The following TBC1D8 variants were observed in gnomAD, a reference collection of about 807,000 sequenced individuals.
TBC1D8 encodes the protein TBC1 domain family member 8.
Under a neutral mutation model 118.8 loss-of-function variants are expected in TBC1D8, and 65 were observed. That is an observed-to-expected ratio of 0.55 (90% CI 0.45 to 0.67). The LOEUF is 0.67. Among genes scored for constraint, TBC1D8 ranks in the 30% least tolerant of loss-of-function variants. The probability of loss-of-function intolerance (pLI) is 0.00; values close to 1 mark genes in which losing one functional copy is unlikely to be tolerated. For synonymous variants in TBC1D8, 566 were observed against 595.8 expected (o/e 0.95, Z 0.73); for missense variants, 1,376 against 1,471.2 (o/e 0.94, Z 1.06).
Position 101,151,322 on chromosome 2 carries a change from G to A in TBC1D8, c.-69C>T, listed in dbSNP as rs1216990365. The A allele has an allele frequency of 1.1e-5, 12 of 1,093,406 alleles. No individual in the cohort carries two copies. The highest frequency in any genetic ancestry group is 1.7e-5 in the African/African-American group (1 of 58,902). 67.7% of individuals were successfully genotyped at this position (1,093,406 alleles called of 1,614,324 possible). On this transcript the variant is annotated 5_prime_UTR_variant, in exon 1 of 20. Coordinates refer to ENST00000409318, the MANE Select transcript of TBC1D8 (RefSeq NM_001330348.2). ...CCGGCCGCCGGTCGCTGTGAGCCGA[G>A]CCCGCTCGAGAGGCGACGGCGGCGC...
intron 2 of TBC1D8, among the ~76,000 whole-genome samples, chr2:101,086,542 A>T (rs1026524830): frequency 6.6e-6 from 1 of 151,990 alleles, no homozygotes; most frequent in African/African-American, 2.4e-5. Flanking sequence ...AGTTGTGTGC[A>T]CAAAAAAAAC....
intron 5 of TBC1D8, among the ~76,000 whole-genome samples, chr2:101,046,845 C>T (rs1036990510): frequency 2.0e-5 from 3 of 152,120 alleles, no homozygotes; most frequent in Non-Finnish European, 2.9e-5. Flanking sequence ...GAGCCTGCCT[C>T]GTGGGAAACA....
chr2:101,133,124 C>G lies in TBC1D8; in HGVS notation c.127+18003G>C, dbSNP rs534104975. ...GCAGTGAGCTGAGATCGAGCCACTGCACTCCAGCCTGGGTGACAGTGCGAG... is the reference window on the plus strand; with the variant it reads ...GCAGTGAGCTGAGATCGAGCCACTGGACTCCAGCCTGGGTGACAGTGCGAG... On this transcript the variant is annotated intron_variant, in intron 1 of 19. Coordinates refer to ENST00000409318, the MANE Select transcript of TBC1D8 (RefSeq NM_001330348.2). Among the ~76,000 whole-genome samples, 87 of 146,936 alleles carry G rather than the reference C, an allele frequency of 5.9e-4. 2 individuals are homozygous for G. In the East Asian group the frequency reaches 0.014, roughly 24 times the overall value.
chr2:101,090,080 G>C (rs575287901), intron 2 of TBC1D8, 129 bp downstream of exon 2: 51 of 889,686 alleles, frequency 5.7e-5, no homozygotes, highest in Non-Finnish European at 8.0e-5. Context: ...TGGAGGGGAG[G>C]GGAGTTAAGT....
chr2:101,024,926 C>T (rs958523171), intron 15 of TBC1D8, among the ~76,000 whole-genome samples: 26 of 152,172 alleles, frequency 1.7e-4, no homozygotes, highest in African/African-American at 5.3e-4. Context: ...TATCAGAGTT[C>T]GGCCCTACAA....
intron 1 of TBC1D8, among the ~76,000 whole-genome samples, chr2:101,134,135 T>C (rs1279753735): frequency 1.3e-5 from 2 of 151,598 alleles, no homozygotes; most frequent in Non-Finnish European, 1.5e-5. Flanking sequence ...AGGGGGGACA[T>C]AAATATTCAC....
intron 1 of TBC1D8, among the ~76,000 whole-genome samples, chr2:101,106,528 A>G (rs1311520043): frequency 1.3e-5 from 2 of 152,206 alleles, no homozygotes; most frequent in African/African-American, 4.8e-5. Flanking sequence ...TGTGGAAAGG[A>G]CGGCAAAGAA....
At chr2:101,019,914 T>A (rs549619032) in intron 17 of TBC1D8, among the ~76,000 whole-genome samples, 12 of 148,314 alleles carry the variant, frequency 8.1e-5, no homozygotes, top group Admixed American at 2.0e-4. Context: ...TAAAAAAAAA[T>A]ACAAAAAATT....
chr2:101,010,570 C>CA, intron 19 of TBC1D8, among the ~76,000 whole-genome samples: 1 of 152,044 alleles, frequency 6.6e-6, no homozygotes, highest in South Asian at 2.1e-4. Flanking sequence ...GCTTGATTCT[C>CA]AGATTAATCA....
At chr2:101,059,560 A>T (rs1165971198) in intron 2 of TBC1D8, 21 bp from the exon 3 acceptor site, 1 of 1,563,516 alleles carries the variant, frequency 6.4e-7, no homozygotes, top group Admixed American at 1.7e-5. Flanking sequence ...ACAGAAAAAG[A>T]TACAGAGATT....
intron 1 of TBC1D8, among the ~76,000 whole-genome samples, chr2:101,108,914 T>C (rs1202610640): frequency 6.6e-6 from 1 of 152,156 alleles, no homozygotes; most frequent in East Asian, 1.9e-4. Flanking sequence ...GCCATACCAC[T>C]ACAAGTTGTC....
At chr2:101,124,980 G>A (rs558696851) in intron 1 of TBC1D8, among the ~76,000 whole-genome samples, 7 of 152,026 alleles carry the variant, frequency 4.6e-5, no homozygotes, top group East Asian at 1.9e-4. Context: ...ACTATCCCAC[G>A]GATAAACAAT....
At chr2:101,130,756 T>C (rs1678557608) in intron 1 of TBC1D8, among the ~76,000 whole-genome samples, 1 of 152,230 alleles carries the variant, frequency 6.6e-6, no homozygotes, top group Non-Finnish European at 1.5e-5. Flanking sequence ...GATCTAGTTT[T>C]GTTCACTGCT....
intron 1 of TBC1D8, among the ~76,000 whole-genome samples, chr2:101,110,402 T>C (rs1424401164): frequency 2.6e-5 from 4 of 152,142 alleles, no homozygotes; most frequent in Non-Finnish European, 4.4e-5. Context: ...CACCCATCCC[T>C]CTTCCCCGCC....
chr2:101,054,445 G>A, intron 3 of TBC1D8, 109 bp from the exon 4 acceptor site: 1 of 1,112,690 alleles, frequency 9.0e-7, no homozygotes, highest in Non-Finnish European at 1.3e-6. Context: ...CCCGAGAAGT[G>A]TGCGCTGCTT....
chr2:101,143,063 CT>C (rs11454446), intron 1 of TBC1D8, among the ~76,000 whole-genome samples: 166 of 139,980 alleles, frequency 1.2e-3, no homozygotes, highest in South Asian at 6.7e-4. Context: ...CTTTCCTTTC[CT>C]TTTTTTTTTT....
At chr2:101,018,984 TA>T in intron 17 of TBC1D8, 1 of 1,611,320 alleles carries the variant, frequency 6.2e-7, no homozygotes, top group Non-Finnish European at 8.5e-7. Context: ...TCATCTGTAA[TA>T]TTTCTGTGCT....
At chr2:101,150,316 T>C (rs1224125946) in intron 1 of TBC1D8, among the ~76,000 whole-genome samples, 1 of 152,088 alleles carries the variant, frequency 6.6e-6, no homozygotes, top group African/African-American at 2.4e-5. Flanking sequence ...CTCTCTTTTA[T>C]TCCGATTCCA....
intron 2 of TBC1D8, among the ~76,000 whole-genome samples, chr2:101,080,065 G>A (rs1675160794): frequency 6.6e-6 from 1 of 152,086 alleles, no homozygotes; most frequent in South Asian, 2.1e-4. Context: ...GTTAGACTCA[G>A]TATGTCCCTG....
Sources: gnomAD v4.1 joint callset for allele counts (sites outside exome capture counted in the v4.1 genomes callset) on GRCh38, gnomAD v4.1.1 for gene constraint, MANE v1.5 for transcripts, NCBI Gene and HGNC (gene_info 2026-07-23, HGNC 2026-07-21) for gene names.